WWOX: variants seen among roughly 807,000 people sequenced by gnomAD.
The protein encoded by WWOX is WW domain-containing oxidoreductase.
Under a neutral mutation model 46.2 loss-of-function variants are expected in WWOX, and 69 were observed. That is an observed-to-expected ratio of 1.49 (90% CI 1.23 to 1.82). The LOEUF (loss-of-function observed/expected upper bound fraction) is 1.82. WWOX is among the 40% of genes most tolerant of loss of function. The probability of loss-of-function intolerance (pLI) is 0.00; values close to 1 mark genes in which losing one functional copy is unlikely to be tolerated. For synonymous variants in WWOX, 359 were observed against 202.6 expected (o/e 1.77, Z -6.56); for missense variants, 919 against 542.6 (o/e 1.69, Z -6.89).
intron 8 of WWOX, among the ~76,000 whole-genome samples, chr16:79,121,963 T>C (rs1161891752): frequency 6.6e-6 from 1 of 152,146 alleles, no homozygotes; most frequent in Non-Finnish European, 1.5e-5. Flanking sequence ...ACTTACGTGC[T>C]ACGGATTTAA....
intron 6 of WWOX, among the ~76,000 whole-genome samples, chr16:78,408,787 G>A (rs2151948364): frequency 6.6e-6 from 1 of 152,270 alleles, no homozygotes; most frequent in Admixed American, 6.5e-5. Flanking sequence ...AGTCACCTTT[G>A]GGAGGTAGGA....
intron 8 of WWOX, among the ~76,000 whole-genome samples, chr16:79,177,458 G>C (rs1004965756): frequency 6.6e-6 from 1 of 152,084 alleles, no homozygotes; most frequent in Non-Finnish European, 1.5e-5. Flanking sequence ...TTATGGTCAG[G>C]CTCATAAAAG....
In WWOX at chr16:79,004,826, G is replaced by C. The variant is rs558311154; in HGVS notation, c.1057-206782G>C. 7 of 152,260 alleles carry C rather than the reference G, an allele frequency of 4.6e-5. No individual in the cohort carries two copies. The South Asian group carries it at 1.5e-3, about 32-fold the overall frequency. 9.4% of individuals were successfully genotyped at this position (152,260 alleles called of 1,614,324 possible). A position where few individuals can be genotyped will look rare whatever the true frequency, so the allele number is the denominator to read the frequency against. On this transcript the variant is annotated intron_variant, in intron 8 of 8. Coordinates refer to ENST00000566780, the MANE Select transcript of WWOX (RefSeq NM_016373.4). ...AATAAAAAGGCACAGCAGGCACTTG[G>C]GTTTTCCCTCAGCTTGCTGGGGCCG... is the stretch of plus-strand genomic sequence containing the variant.
chr16:78,844,998 G>T (rs560844779), intron 8 of WWOX, among the ~76,000 whole-genome samples: 1 of 152,190 alleles, frequency 6.6e-6, no homozygotes, highest in Non-Finnish European at 1.5e-5. Flanking sequence ...CTGAAAGGCT[G>T]TCTCCAACCA....
At chr16:79,148,060 T>A (rs946471391) in intron 8 of WWOX, among the ~76,000 whole-genome samples, 5 of 152,188 alleles carry the variant, frequency 3.3e-5, no homozygotes, top group African/African-American at 1.2e-4. Flanking sequence ...ATTTGCAAAA[T>A]AAAAGTATTT....
intron 8 of WWOX, among the ~76,000 whole-genome samples, chr16:78,834,578 C>G (rs567345066): frequency 1.3e-5 from 2 of 152,162 alleles, no homozygotes; most frequent in Admixed American, 1.3e-4. Context: ...TGTAGAATCC[C>G]CATTGCCGAT....
chr16:78,542,907 C>G (rs370024604), intron 8 of WWOX, among the ~76,000 whole-genome samples: 5 of 152,230 alleles, frequency 3.3e-5, no homozygotes, highest in African/African-American at 1.2e-4. Flanking sequence ...GATGTTAGCC[C>G]CAATGTCTTT....
intron 5 of WWOX, among the ~76,000 whole-genome samples, chr16:78,217,585 G>A (rs944389463): frequency 2.6e-5 from 4 of 152,054 alleles, no homozygotes; most frequent in Non-Finnish European, 5.9e-5. Flanking sequence ...CTGGGCTTCC[G>A]ACCTTAATAG....
chr16:78,429,643 G>C (rs1175681016), intron 7 of WWOX, among the ~76,000 whole-genome samples: 1 of 152,176 alleles, frequency 6.6e-6, no homozygotes, highest in Non-Finnish European at 1.5e-5. Context: ...GAGTTTTCAA[G>C]TCATGTCCCA....
chr16:79,205,699 C>A (rs2051486998), intron 8 of WWOX: 1 of 152,156 alleles, frequency 6.6e-6, no homozygotes, highest in South Asian at 2.1e-4. Context: ...ATTTCAATAC[C>A]TACAGGAAGT....
intron 4 of WWOX, among the ~76,000 whole-genome samples, chr16:78,154,982 A>G (rs1392297719): frequency 6.6e-6 from 1 of 152,168 alleles, no homozygotes; most frequent in Non-Finnish European, 1.5e-5. Flanking sequence ...CATGGTCAAC[A>G]TGACCAACTA....
intron 8 of WWOX, among the ~76,000 whole-genome samples, chr16:79,005,524 G>C (rs1334044301): frequency 6.6e-6 from 1 of 152,122 alleles, no homozygotes; most frequent in Non-Finnish European, 1.5e-5. Context: ...AACTCTATGG[G>C]GGCGTCCTCT....
At chr16:78,487,174 T>G (rs1019126784) in intron 8 of WWOX, among the ~76,000 whole-genome samples, 3 of 152,208 alleles carry the variant, frequency 2.0e-5, no homozygotes, top group African/African-American at 7.2e-5. Flanking sequence ...CTTTAATATT[T>G]ATGCTGGATA....
chr16:78,789,483 T>C (rs1411931180), intron 8 of WWOX, among the ~76,000 whole-genome samples: 1 of 152,226 alleles, frequency 6.6e-6, no homozygotes, highest in African/African-American at 2.4e-5. Flanking sequence ...CTTTCTGGAC[T>C]CTGAATTATA....
At chr16:78,900,931 A>G (rs977301171) in intron 8 of WWOX, among the ~76,000 whole-genome samples, 3 of 151,606 alleles carry the variant, frequency 2.0e-5, no homozygotes, top group Non-Finnish European at 2.9e-5. Flanking sequence ...TTAATGTTCT[A>G]TTCCCAAGAA....
chr16:78,942,775 C>G lies in WWOX; in HGVS notation c.1057-268833C>G, dbSNP rs76435849. On this transcript the variant is annotated intron_variant, in intron 8 of 8. Transcript: ENST00000566780. ...ACATCATTGTGCAGGCAAACATGAG[C>G]AAGAAATTGAGAAATCCGTTCATGC... is the stretch of plus-strand genomic sequence containing the variant. 5.1e-3 allele frequency among the ~76,000 whole-genome samples: 772 copies of G among 152,244 alleles called. 9 individuals are homozygous for G. The highest frequency in any genetic ancestry group is 0.017 in the African/African-American group (724 of 41,530).
chr16:78,843,461 G>A (rs1198602851), intron 8 of WWOX, among the ~76,000 whole-genome samples: 1 of 150,032 alleles, frequency 6.7e-6, no homozygotes, highest in Non-Finnish European at 1.5e-5. Context: ...TGAGATTACT[G>A]TCAGCTTTGC....
At chr16:78,492,814 C>T (rs559928924) in intron 8 of WWOX, among the ~76,000 whole-genome samples, 1 of 152,228 alleles carries the variant, frequency 6.6e-6, no homozygotes, top group South Asian at 2.1e-4. Flanking sequence ...TGACAAATTT[C>T]TGGGGGCCTC....
intron 8 of WWOX, among the ~76,000 whole-genome samples, chr16:78,847,571 C>T (rs903347927): frequency 5.9e-5 from 9 of 151,904 alleles, no homozygotes; most frequent in Non-Finnish European, 8.8e-5. Context: ...TGGGCTCAAG[C>T]GATTCTCCCG....
Sources: gnomAD v4.1 joint callset for allele counts (sites outside exome capture counted in the v4.1 genomes callset) on GRCh38, gnomAD v4.1.1 for gene constraint, MANE v1.5 for transcripts, NCBI Gene and HGNC (gene_info 2026-07-23, HGNC 2026-07-21) for gene names.